PHACTR1: variants seen among roughly 807,000 people sequenced by gnomAD.
PHACTR1 encodes the protein phosphatase and actin regulator 1.
PHACTR1 carries 16 observed loss-of-function variants against 69.2 expected under a neutral mutation model. The ratio of observed to expected loss-of-function variants is 0.23; its 90% CI spans 0.16 to 0.35. The LOEUF is 0.35. Among genes scored for constraint, PHACTR1 ranks in the 10% least tolerant of loss-of-function variants. The probability of loss-of-function intolerance (pLI) is 1.00; values close to 1 mark genes in which losing one functional copy is unlikely to be tolerated. For missense variants in PHACTR1, 510 were observed against 734.7 expected, an observed-to-expected ratio of 0.69 and a Z score of 3.54; for synonymous variants, 312 against 284.5, an observed-to-expected ratio of 1.10 and a Z score of -0.97.
At chr6:13,238,357 C>G (rs1053245837) in intron 10 of PHACTR1, among the ~76,000 whole-genome samples, 3 of 152,160 alleles carry the variant, frequency 2.0e-5, no homozygotes, top group Non-Finnish European at 2.9e-5. Context: ...ATTACTGTGA[C>G]TTAGTGAATG....
intron 6 of PHACTR1, among the ~76,000 whole-genome samples, chr6:13,164,416 G>A (rs12192359): frequency 0.3 from 45,661 of 151,922 alleles, 7,110 homozygotes; most frequent in Non-Finnish European, 0.32. Context: ...TAGCGCACAT[G>A]ACTCTAGCTA....
At chr6:13,259,532 T>C (rs188314077) in intron 10 of PHACTR1, among the ~76,000 whole-genome samples, 34 of 152,348 alleles carry the variant, frequency 2.2e-4, no homozygotes, top group African/African-American at 6.7e-4. Context: ...AGGTAAGGGA[T>C]TTTTTTCAAG....
In PHACTR1 at chr6:12,846,024, G is replaced by C. The variant is rs577473851; in HGVS notation, c.250+96234G>C. Among the ~76,000 whole-genome samples, 3 of 152,272 alleles carry C rather than the reference G, an allele frequency of 2.0e-5. No individual in the cohort carries two copies. The South Asian group carries it at 6.2e-4, about 32-fold the overall frequency. ...TTTGTTTGCAGTTAGCAAAACTGTG[G>C]AGAGGAGGGAACTGATAACGATACT... On this transcript the variant is annotated intron_variant, in intron 4 of 14. Transcript: ENST00000332995.
intron 4 of PHACTR1, among the ~76,000 whole-genome samples, chr6:13,047,566 T>G (rs1241819253): frequency 6.6e-6 from 1 of 152,046 alleles, no homozygotes; most frequent in East Asian, 1.9e-4. Flanking sequence ...CGTTCTGTTA[T>G]TGAGTTCACT....
chr6:13,048,611 C>T (rs553711040), intron 4 of PHACTR1, among the ~76,000 whole-genome samples: 32 of 151,484 alleles, frequency 2.1e-4, no homozygotes, highest in Middle Eastern at 3.4e-3. Flanking sequence ...CTTAGCTCAC[C>T]GCAACCTCTG....
chr6:13,115,241 G>C (rs879476749), intron 5 of PHACTR1, among the ~76,000 whole-genome samples: 11 of 152,124 alleles, frequency 7.2e-5, no homozygotes, highest in Non-Finnish European at 1.3e-4. Flanking sequence ...CACTGCCAGA[G>C]AACTGTTTGG....
chr6:13,091,804 A>C (rs114790910), intron 5 of PHACTR1, among the ~76,000 whole-genome samples: 2 of 151,850 alleles, frequency 1.3e-5, no homozygotes, highest in African/African-American at 4.8e-5. Context: ...AGGGTTCGCA[A>C]TTCTTTTTTT....
intron 5 of PHACTR1, among the ~76,000 whole-genome samples, chr6:13,065,115 G>A (rs1392436083): frequency 1.8e-4 from 27 of 152,160 alleles, no homozygotes. Context: ...GTGCTTCTGA[G>A]ACATTCAGAT....
intron 4 of PHACTR1, among the ~76,000 whole-genome samples, chr6:12,891,166 T>A (rs1052677424): frequency 6.6e-6 from 1 of 152,178 alleles, no homozygotes; most frequent in Admixed American, 6.5e-5. Flanking sequence ...ATTTGCAAAG[T>A]AGTATCAATT....
intron 4 of PHACTR1, among the ~76,000 whole-genome samples, chr6:12,996,491 A>G (rs1797426737): frequency 6.6e-6 from 1 of 152,184 alleles, no homozygotes; most frequent in African/African-American, 2.4e-5. Flanking sequence ...TAAACTATAA[A>G]CTACCAATAT....
chr6:12,956,839 T>C (rs947839451), intron 4 of PHACTR1, among the ~76,000 whole-genome samples: 5 of 152,106 alleles, frequency 3.3e-5, no homozygotes, highest in African/African-American at 1.2e-4. Flanking sequence ...ATTCAGCGCC[T>C]TATCCCACCT....
At chr6:12,791,764 G>T (rs1300795606) in intron 4 of PHACTR1, among the ~76,000 whole-genome samples, 1 of 152,198 alleles carries the variant, frequency 6.6e-6, no homozygotes, top group South Asian at 2.1e-4. Flanking sequence ...TTAAGTGTTT[G>T]TTCTTTCAGT....
intron 4 of PHACTR1, among the ~76,000 whole-genome samples, chr6:12,772,735 C>T (rs764409326): frequency 1.3e-4 from 20 of 152,128 alleles, no homozygotes; most frequent in African/African-American, 2.4e-4. Flanking sequence ...TCCGCACTTC[C>T]GACAACTTAT....
chr6:13,269,682 A>G (rs1296235702), intron 10 of PHACTR1, among the ~76,000 whole-genome samples: 1 of 152,032 alleles, frequency 6.6e-6, no homozygotes, highest in Admixed American at 6.6e-5. Flanking sequence ...AATACAAAAA[A>G]CTAGCACGGG....
intron 4 of PHACTR1, among the ~76,000 whole-genome samples, chr6:12,792,187 G>C (rs529903747): frequency 6.6e-6 from 1 of 151,982 alleles, no homozygotes; most frequent in East Asian, 1.9e-4. Flanking sequence ...AAAATGGGCC[G>C]GGCGCGGTGG....
intron 8 of PHACTR1, among the ~76,000 whole-genome samples, chr6:13,219,029 A>C (rs1403211084): frequency 6.6e-6 from 1 of 152,288 alleles, no homozygotes; most frequent in East Asian, 1.9e-4. Flanking sequence ...TCCAAAAAGA[A>C]GGCTTGGTAA....
intron 4 of PHACTR1, among the ~76,000 whole-genome samples, chr6:12,821,293 C>T (rs1295720700): frequency 6.6e-6 from 1 of 152,006 alleles, no homozygotes; most frequent in Non-Finnish European, 1.5e-5. Context: ...GAAACCCCGT[C>T]TCTACTAAAA....
At chr6:12,880,371 G>A (rs968840849) in intron 4 of PHACTR1, among the ~76,000 whole-genome samples, 15 of 151,872 alleles carry the variant, frequency 9.9e-5, no homozygotes, top group African/African-American at 3.4e-4. Flanking sequence ...AGAACTACAG[G>A]ACCTTTGTGT....
At chr6:13,113,061 G>C (rs1035778642) in intron 5 of PHACTR1, among the ~76,000 whole-genome samples, 7 of 152,072 alleles carry the variant, frequency 4.6e-5, no homozygotes, top group African/African-American at 1.7e-4. Flanking sequence ...TGTGGTGTAA[G>C]GAAGGTGTCC....
Sources: allele counts gnomAD v4.1 joint callset (sites outside exome capture counted in the v4.1 genomes callset), GRCh38; gene constraint gnomAD v4.1.1; transcripts MANE v1.5; gene names NCBI Gene and HGNC (gene_info 2026-07-23, HGNC 2026-07-21).